CNOT1: variants seen among roughly 807,000 people sequenced by gnomAD.
CNOT1 encodes the protein CCR4-NOT transcription complex subunit 1, also known as CCR4-associated factor 1.
Under a neutral mutation model 273.8 loss-of-function variants are expected in CNOT1, and 15 were observed. The observed-to-expected ratio is 0.05, with a 90% CI of 0.04 to 0.08. CNOT1 has a LOEUF of 0.08. Among genes scored for constraint, CNOT1 ranks in the 10% least tolerant of loss-of-function variants. The pLI is 1.00. For missense variants in CNOT1, 1,644 were observed against 2,912.2 expected (o/e 0.56, Z 10.02); for synonymous variants, 1,022 against 1,005.5 (o/e 1.02, Z -0.31).
chr16:58,531,080 T>C (rs544331339), intron 42 of CNOT1, among the ~76,000 whole-genome samples: 2 of 152,228 alleles, frequency 1.3e-5, no homozygotes, highest in Non-Finnish European at 2.9e-5. Context: ...CAAATAACCT[T>C]GTTCAGTCCA....
rs148597726 is a variant in CNOT1, at chr16:58,566,934, T to C, written c.1980-6572A>G. Among the ~76,000 whole-genome samples, 310 of 152,150 alleles carry C rather than the reference T, an allele frequency of 2.0e-3. 1 individual carries two copies. Among genetic ancestry groups the C allele is most frequent in the African/African-American group, 7.3e-3 (303 of 41,514 alleles). ...CTGTGAGCCACCGCGCCCAGCCTAG[T>C]ATCATTGGTTTCTACACTACTAGGT... is the stretch of plus-strand genomic sequence containing the variant. On this transcript the variant is annotated intron_variant, in intron 16 of 48. Coordinates refer to ENST00000317147, the MANE Select transcript of CNOT1 (RefSeq NM_016284.5).
At position 58,532,369 on chromosome 16, in the gene CNOT1, G is replaced by C. The variant is rs1458895310; in HGVS notation, c.5922C>G (p.Leu1974=). 6.2e-7 allele frequency: 1 copy of C among 1,614,126 alleles called. No individual in the cohort carries two copies. The highest frequency in any genetic ancestry group is 2.2e-5 in the East Asian group (1 of 44,872). Reference sequence around the variant, plus strand: ...TCTGACGAACATCATGATCCTGAAGGAGAACTCCCACTACTATACCAAGGA... The same window carrying C: ...TCTGACGAACATCATGATCCTGAAGCAGAACTCCCACTACTATACCAAGGA... ...NKVLGIVVGV[L]LQDHDVRQSE... Residue 1974 remains leucine (L), a synonymous_variant, in exon 41 of 49, where the codon CTC becomes CTG. Coordinates refer to ENST00000317147, the MANE Select transcript of CNOT1 (RefSeq NM_016284.5).
At chr16:58,621,752 AC>A (rs1241033175) in intron 1 of CNOT1, among the ~76,000 whole-genome samples, 1 of 147,922 alleles carries the variant, frequency 6.8e-6, no homozygotes, top group Non-Finnish European at 1.5e-5. Context: ...CCCCGTCTCT[AC>A]CAAAAAATAC....
chr16:58,541,329 C>A (rs573157295), intron 34 of CNOT1, among the ~76,000 whole-genome samples, 172 bp downstream of exon 34: 1 of 152,278 alleles, frequency 6.6e-6, no homozygotes, highest in South Asian at 2.1e-4. Flanking sequence ...TTTCTTTAAT[C>A]CCCTGTATGT....
chr16:58,605,918 AG>A (rs1248570023), intron 1 of CNOT1, among the ~76,000 whole-genome samples: 2 of 152,122 alleles, frequency 1.3e-5, no homozygotes, highest in Non-Finnish European at 2.9e-5. Flanking sequence ...GGCCTCCCAA[AG>A]TGCTAGGATT....
chr16:58,599,819 A>T (rs2042397937), intron 1 of CNOT1, among the ~76,000 whole-genome samples: 1 of 152,174 alleles, frequency 6.6e-6, no homozygotes, highest in South Asian at 2.1e-4. Context: ...TAACCCCAGC[A>T]CTTTGCGAGG....
chr16:58,596,731 C>CA (rs1231625176), intron 2 of CNOT1, among the ~76,000 whole-genome samples: 1 of 151,432 alleles, frequency 6.6e-6, no homozygotes, highest in Admixed American at 6.6e-5. Flanking sequence ...ACTAAAAATA[C>CA]AAAAAAATTA....
rs772991939 is a variant in CNOT1 at position 58,581,353 on chromosome 16, C to G, written c.1207G>C (p.Glu403Gln). ...AAATACCACTTACTCACCTGGCCTTCAGCATGTTTCCAAGGTCTATATATG... is the reference window on the plus strand; with the variant it reads ...AAATACCACTTACTCACCTGGCCTTGAGCATGTTTCCAAGGTCTATATATG... ...DLIYRPWKHA[E>Q]GQLSFIQHSL... Residue 403 changes from glutamate (E) to glutamine (Q), a missense_variant, in exon 11 of 49, where the codon GAA (glutamate) becomes CAA (glutamine). Transcript: ENST00000317147. The G allele has an allele frequency of 6.2e-7, 1 of 1,605,944 alleles. No individual in the cohort carries two copies. The highest frequency in any genetic ancestry group is 1.7e-5 in the Admixed American group (1 of 57,622).
intron 38 of CNOT1, among the ~76,000 whole-genome samples, chr16:58,537,657 T>C (rs2039966699): frequency 6.6e-6 from 1 of 152,250 alleles, no homozygotes; most frequent in African/African-American, 2.4e-5. Flanking sequence ...GGCTTAAACA[T>C]AGGACTCTGA....
intron 1 of CNOT1, among the ~76,000 whole-genome samples, chr16:58,611,408 G>A (rs148953744): frequency 5.9e-5 from 9 of 151,900 alleles, no homozygotes; most frequent in Admixed American, 2.0e-4. Flanking sequence ...CAGTCTGAGC[G>A]ACAGAGCGAG....
At chr16:58,600,080 T>C (rs1008687556) in intron 1 of CNOT1, among the ~76,000 whole-genome samples, 1 of 151,482 alleles carries the variant, frequency 6.6e-6, no homozygotes, top group African/African-American at 2.4e-5. Flanking sequence ...AAAAAAAATA[T>C]GCCTGTAATC....
intron 9 of CNOT1, 64 bp downstream of exon 9, chr16:58,582,992 A>AT (rs764836536): frequency 4.3e-5 from 69 of 1,605,548 alleles, no homozygotes; most frequent in Non-Finnish European, 5.6e-5. Flanking sequence ...CTGTAATTTA[A>AT]TTAAAAAAAA....
intron 1 of CNOT1, among the ~76,000 whole-genome samples, chr16:58,628,599 T>TA (rs11394544): frequency 0.16 from 22,487 of 140,960 alleles, 1,984 homozygotes; most frequent in South Asian, 0.34. Flanking sequence ...ATCACTGACT[T>TA]AAAAAAAAAA....
chr16:58,614,175 T>C lies in CNOT1; in HGVS notation c.-174-14664A>G, dbSNP rs940823278. ...GCTTTGCATATTCCAAGACTCTCTA[T>C]GCAAAATCCCAACCTATGGAAGCCA... On this transcript the variant is annotated intron_variant, in intron 1 of 48. Transcript: ENST00000317147. Among the ~76,000 whole-genome samples, 4 of 123,100 alleles carry C rather than the reference T, an allele frequency of 3.2e-5. No individual in the cohort carries two copies. The East Asian group carries it at 5.9e-4, about 18-fold the overall frequency. 80.8% of individuals were successfully genotyped at this position (123,100 alleles called of 152,430 possible).
rs1379908713 is a variant in CNOT1 at position 58,566,624 on chromosome 16, G to C, written c.1980-6262C>G. Among the ~76,000 whole-genome samples, 4 of 152,178 alleles carry C rather than the reference G, an allele frequency of 2.6e-5. No individual in the cohort carries two copies. The East Asian group carries it at 7.7e-4, about 29-fold the overall frequency. On this transcript the variant is annotated intron_variant, in intron 16 of 48. Coordinates refer to ENST00000317147, the MANE Select transcript of CNOT1 (RefSeq NM_016284.5). Reference sequence around the variant, plus strand: ...GAATGGATAATTATTTGTTGTACAAGGCAGTCTTGTGCACTGTGGAATGTT... The same window carrying C: ...GAATGGATAATTATTTGTTGTACAACGCAGTCTTGTGCACTGTGGAATGTT...
intron 16 of CNOT1, among the ~76,000 whole-genome samples, chr16:58,561,761 CAA>C (rs950138329): frequency 8.5e-5 from 13 of 152,112 alleles, no homozygotes; most frequent in Admixed American, 1.3e-4. Context: ...AAGTATAATG[CAA>C]ATGGTTTTTA....
intron 35 of CNOT1, among the ~76,000 whole-genome samples, chr16:58,539,406 T>A (rs781559364): frequency 6.6e-6 from 1 of 151,484 alleles, no homozygotes; most frequent in Non-Finnish European, 1.5e-5. Flanking sequence ...TGTGGGAGGT[T>A]CACTTAAGCC....
At chr16:58,598,787 C>T (rs2042358801) in intron 2 of CNOT1, among the ~76,000 whole-genome samples, 2 of 151,676 alleles carry the variant, frequency 1.3e-5, no homozygotes, top group South Asian at 4.2e-4. Flanking sequence ...TTGGGCTGGG[C>T]GTGGTGGCTC....
intron 24 of CNOT1, 71 bp from the exon 25 acceptor site, chr16:58,549,969 C>G: frequency 6.3e-7 from 1 of 1,597,504 alleles, no homozygotes; most frequent in South Asian, 1.1e-5. Context: ...TTCTATGAAC[C>G]ATACTATACA....
Sources: gnomAD v4.1 joint callset for allele counts (sites outside exome capture counted in the v4.1 genomes callset) on GRCh38, gnomAD v4.1.1 for gene constraint, MANE v1.5 for transcripts, NCBI Gene and HGNC (gene_info 2026-07-23, HGNC 2026-07-21) for gene names.